The following DOHH variants were observed in gnomAD, a reference collection of about 807,000 sequenced individuals.
DOHH encodes deoxyhypusine hydroxylase.
Under a neutral mutation model 19.9 loss-of-function variants are expected in DOHH, and 16 were observed. The ratio of observed to expected loss-of-function variants is 0.80; its 90% CI spans 0.54 to 1.22. The LOEUF (loss-of-function observed/expected upper bound fraction) is 1.22. Among genes scored for constraint, DOHH ranks in the 50% most tolerant of loss-of-function variants. The probability of loss-of-function intolerance (pLI) is 0.00; values close to 1 mark genes in which losing one functional copy is unlikely to be tolerated. For missense variants in DOHH, 460 were observed against 460.6 expected (o/e 1.00, Z 0.01); for synonymous variants, 233 against 217.0 (o/e 1.07, Z -0.65).
intron 3 of DOHH, among the ~76,000 whole-genome samples, chr19:3,493,400 G>A (rs1247324173): frequency 6.6e-6 from 1 of 152,224 alleles, no homozygotes; most frequent in Admixed American, 6.5e-5. Flanking sequence ...ACGAGGTCAG[G>A]AGATCGAGAC....
Position 3,496,937 on chromosome 19 carries a change from T to C in DOHH, c.-72-51A>G. ...GTTAGAAGCCCCCTTCACCAGTGCG[T>C]TGTCTGTTCCTAGGACCTGGGTGGG... is the stretch of plus-strand genomic sequence containing the variant. On this transcript the variant is annotated intron_variant, in intron 1 of 4. Transcript: ENST00000427575. This position sits in a 1 kb window ranked among gnomAD's most constrained non-coding sequence, Gnocchi z 4.8. The C allele has an allele frequency of 7.9e-7, 1 of 1,271,944 alleles. No homozygotes were observed. The highest frequency in any genetic ancestry group is 1.0e-6 in the Non-Finnish European group (1 of 991,910). The allele number at this position is 1,271,944 out of a possible 1,614,324, so 78.8% of individuals were successfully genotyped here.
chr19:3,492,174 G>A (rs781151673), intron 4 of DOHH, 88 bp downstream of exon 4: 2 of 1,215,202 alleles, frequency 1.6e-6, no homozygotes, highest in Non-Finnish European at 1.1e-6. Context: ...GTTCCCGGGG[G>A]CAGGCCGCGG....
At position 3,496,518 on chromosome 19, in the gene DOHH, C is replaced by T. The variant is rs1278197352; in HGVS notation, c.274+23G>A. 1 of 1,596,360 alleles carries T rather than the reference C, an allele frequency of 6.3e-7. No individual in the cohort carries two copies. Among genetic ancestry groups the T allele is most frequent in the East Asian group, 2.2e-5 (1 of 44,532 alleles). ...AAGTGAGGCAGGAGGGAGCAGGTGCCCGGGACACAGACAGGTGCTCACCTG... is the reference window on the plus strand; with the variant it reads ...AAGTGAGGCAGGAGGGAGCAGGTGCTCGGGACACAGACAGGTGCTCACCTG... On this transcript the variant is annotated intron_variant, in intron 2 of 4. Transcript: ENST00000427575. This position sits in a 1 kb window ranked among gnomAD's most constrained non-coding sequence, Gnocchi z 4.8.
chr19:3,498,173 T>C (rs922320282), intron 1 of DOHH, among the ~76,000 whole-genome samples: 3 of 152,148 alleles, frequency 2.0e-5, no homozygotes, highest in Admixed American at 2.0e-4. Context: ...CCTAGGGCCT[T>C]TGCATTTGCT....
In DOHH at chr19:3,492,456, A is replaced by C. The variant is rs896341275; in HGVS notation, c.395T>G (p.Leu132Arg). The C allele has an allele frequency of 4.9e-6, 7 of 1,442,496 alleles. No individual in the cohort carries two copies. Among genetic ancestry groups the C allele is most frequent in the African/African-American group, 4.4e-5 (3 of 67,426 alleles). 89.4% of individuals were successfully genotyped at this position (1,442,496 alleles called of 1,614,324 possible). Residue 132 changes from leucine to arginine, a missense_variant, in exon 4 of 5, where the codon CTG becomes CGG. Transcript: ENST00000427575. ...CGCCGGCTCCCCGCCGTGCTGCTGC[A>C]GCCACTCCAGCCTGCGCACGGCCAG... is the stretch of plus-strand genomic sequence containing the variant. The part of the protein sequence containing the change: ...CQLAVRRLEW[L>R]QQHGGEPAAG...
At position 3,496,725 on chromosome 19, in the gene DOHH, C is replaced by A. The variant is rs745823611; in HGVS notation, c.90G>T (p.Thr30=). ...PLQARFRALF[T]LRGLGGPGAI... is the part of the protein sequence containing the mutation. Reference sequence around the variant, plus strand: ...CGCCTGGGCCGCCGAGCCCACGCAGCGTGAACAGCGCCCGGAAGCGGGCCT... The same window carrying A: ...CGCCTGGGCCGCCGAGCCCACGCAGAGTGAACAGCGCCCGGAAGCGGGCCT... Residue 30 remains threonine (T), a synonymous_variant, in exon 2 of 5, where the codon ACG becomes ACT. Transcript: ENST00000427575. This position sits in a 1 kb window ranked among gnomAD's most constrained non-coding sequence, Gnocchi z 4.8. 3 of 1,612,814 alleles carry A rather than the reference C, an allele frequency of 1.9e-6. No individual in the cohort carries two copies. In the African/African-American group the frequency reaches 4.0e-5, roughly 22 times the overall value.
At position 3,491,912 on chromosome 19, in the gene DOHH, C is replaced by A; in HGVS notation, c.590-101G>T. The A allele has an allele frequency of 2.4e-6, 3 of 1,247,528 alleles. No individual in the cohort carries two copies. The highest frequency in any genetic ancestry group is 3.2e-6 in the Non-Finnish European group (3 of 948,224). The allele number at this position is 1,247,528 out of a possible 1,614,324, so 77.3% of individuals were successfully genotyped here. A position where few individuals can be genotyped will look rare whatever the true frequency, so the allele number is the denominator to read the frequency against. On this transcript the variant is annotated intron_variant, in intron 4 of 4. Transcript: ENST00000427575. The surrounding 1 kb of genome is among the most constrained non-coding windows in gnomAD (Gnocchi z 5.6). Reference sequence around the variant, plus strand: ...CTTGCTATCTTGCCCAGGCAGGTCACAAAGTCCTGGCGATCTTCCCATCCC... The same window carrying A: ...CTTGCTATCTTGCCCAGGCAGGTCAAAAAGTCCTGGCGATCTTCCCATCCC...
chr19:3,494,060 G>A lies in DOHH; in HGVS notation c.319C>T (p.Leu107=). ...ACGGGGTCCGAGGAATACTGCTTCAGGATCTCCAGAACTTCCGGGTCCCCG... is the reference window on the plus strand; with the variant it reads ...ACGGGGTCCGAGGAATACTGCTTCAAGATCTCCAGAACTTCCGGGTCCCCG... The part of the protein sequence containing the change: ...AIGDPEVLEI[L]KQYSSDPVIE... Residue 107 remains leucine, a synonymous_variant, in exon 3 of 5, where the codon CTG becomes TTG. Transcript: ENST00000427575. 1 of 1,613,820 alleles carries A rather than the reference G, an allele frequency of 6.2e-7. No individual in the cohort carries two copies. The highest frequency in any genetic ancestry group is 8.5e-7 in the Non-Finnish European group (1 of 1,179,806).
intron 1 of DOHH, among the ~76,000 whole-genome samples, chr19:3,497,434 C>G (rs1020295594): frequency 2.0e-5 from 3 of 152,200 alleles, no homozygotes; most frequent in Non-Finnish European, 2.9e-5. Flanking sequence ...ACTGAGCCCT[C>G]CCACCAACAG....
chr19:3,494,367 G>A (rs923495216), intron 2 of DOHH, among the ~76,000 whole-genome samples: 3 of 152,220 alleles, frequency 2.0e-5, no homozygotes, highest in Non-Finnish European at 4.4e-5. Context: ...CCCGTACCAT[G>A]AGACAGGGAG....
At chr19:3,497,313 T>C (rs2082916033) in intron 1 of DOHH, among the ~76,000 whole-genome samples, 1 of 152,228 alleles carries the variant, frequency 6.6e-6, no homozygotes, top group Non-Finnish European at 1.5e-5. Context: ...CTTCCAAGGT[T>C]AGGGCATAAA....
At position 3,491,416 on chromosome 19, in the gene DOHH, G is replaced by A. The variant is rs367593775; in HGVS notation, c.*76C>T. 3 of 1,424,398 alleles carry A rather than the reference G, an allele frequency of 2.1e-6. No individual in the cohort carries two copies. Among genetic ancestry groups the A allele is most frequent in the Non-Finnish European group, 2.8e-6 (3 of 1,067,524 alleles). The allele number at this position is 1,424,398 out of a possible 1,614,324, so 88.2% of individuals were successfully genotyped here. A position where few individuals can be genotyped will look rare whatever the true frequency, so the allele number is the denominator to read the frequency against. ...CGATGACACCGATTTACACACACCC[G>A]GTTTAGACGCCAAAGCTCTGCGGGG... On this transcript the variant is annotated 3_prime_UTR_variant, in exon 5 of 5. Transcript: ENST00000427575. The surrounding 1 kb of genome is among the most constrained non-coding windows in gnomAD (Gnocchi z 5.6).
intron 2 of DOHH, among the ~76,000 whole-genome samples, chr19:3,495,447 C>T (rs1276276448): frequency 6.6e-6 from 1 of 152,204 alleles, no homozygotes; most frequent in African/African-American, 2.4e-5. Flanking sequence ...CGGCTTGTAT[C>T]TGTATTGTCA....
intron 2 of DOHH, among the ~76,000 whole-genome samples, chr19:3,494,964 C>G (rs986777375): frequency 6.7e-6 from 1 of 150,090 alleles, no homozygotes; most frequent in African/African-American, 2.5e-5. Flanking sequence ...CTAGGTCCCT[C>G]GCTACAACAG....
chr19:3,491,317 T>G lies in DOHH; in HGVS notation c.*175A>C. On this transcript the variant is annotated 3_prime_UTR_variant, in exon 5 of 5. Coordinates refer to ENST00000427575, the MANE Select transcript of DOHH (RefSeq NM_001145165.2). This position sits in a 1 kb window ranked among gnomAD's most constrained non-coding sequence, Gnocchi z 5.6. ...AGGAGCAGTCAGGGGACTCAGGGAGTCACAGCACAACGGCAGCTCCTCGGT... is the reference window on the plus strand; with the variant it reads ...AGGAGCAGTCAGGGGACTCAGGGAGGCACAGCACAACGGCAGCTCCTCGGT... 1 of 672,566 alleles carries G rather than the reference T, an allele frequency of 1.5e-6. No individual in the cohort carries two copies. The highest frequency in any genetic ancestry group is 2.4e-6 in the Non-Finnish European group (1 of 411,306). 41.7% of individuals were successfully genotyped at this position (672,566 alleles called of 1,614,324 possible).
rs2082867684 is a variant in DOHH, at chr19:3,491,340, G to A, written c.*152C>T. On this transcript the variant is annotated 3_prime_UTR_variant, in exon 5 of 5. Coordinates refer to ENST00000427575, the MANE Select transcript of DOHH (RefSeq NM_001145165.2). This position sits in a 1 kb window ranked among gnomAD's most constrained non-coding sequence, Gnocchi z 5.6. ...AGTCACAGCACAACGGCAGCTCCTC[G>A]GTCCCAGACGGAGGAGGGGGACAGC... 1.3e-6 allele frequency: 1 copy of A among 795,804 alleles called. No homozygotes were observed. The highest frequency in any genetic ancestry group is 1.9e-6 in the Non-Finnish European group (1 of 515,942). The allele number at this position is 795,804 out of a possible 1,614,324, so 49.3% of individuals were successfully genotyped here.
In DOHH at chr19:3,491,334, C is replaced by T. The variant is rs1263376938; in HGVS notation, c.*158G>A. The T allele has an allele frequency of 1.3e-6, 1 of 762,622 alleles. No individual in the cohort carries two copies. 47.2% of individuals were successfully genotyped at this position (762,622 alleles called of 1,614,324 possible). A position where few individuals can be genotyped will look rare whatever the true frequency, so the allele number is the denominator to read the frequency against. ...TCAGGGAGTCACAGCACAACGGCAG[C>T]TCCTCGGTCCCAGACGGAGGAGGGG... On this transcript the variant is annotated 3_prime_UTR_variant, in exon 5 of 5. Coordinates refer to ENST00000427575, the MANE Select transcript of DOHH (RefSeq NM_001145165.2). This position sits in a 1 kb window ranked among gnomAD's most constrained non-coding sequence, Gnocchi z 5.6.
rs2082872192 is a variant in DOHH, at chr19:3,491,804, G to C, written c.597C>G (p.His199Gln). ...CGTGGCGGAAGAGGGCGCTCCCACA[G>C]TGCAGACCTGCAGGGGAGAGGGACA... Reference protein sequence around the residue: ...EAALALAEGLHCGSALFRHEV... With the variant: ...EAALALAEGLQCGSALFRHEV... Residue 199 changes from histidine (H) to glutamine (Q), a missense_variant, in exon 5 of 5, where the codon CAC becomes CAG. Physicochemically the swap from His to Gln is conservative, Grantham distance 24. Coordinates refer to ENST00000427575, the MANE Select transcript of DOHH (RefSeq NM_001145165.2). The surrounding 1 kb of genome is among the most constrained non-coding windows in gnomAD (Gnocchi z 5.6). 1 of 1,479,914 alleles carries C rather than the reference G, an allele frequency of 6.8e-7. No individual in the cohort carries two copies. The highest frequency in any genetic ancestry group is 8.9e-7 in the Non-Finnish European group (1 of 1,118,408). The allele number at this position is 1,479,914 out of a possible 1,614,324, so 91.7% of individuals were successfully genotyped here.
chr19:3,491,330 GCAGC>G lies in DOHH; in HGVS notation c.*158_*161del. 1 of 734,408 alleles carries G rather than the reference GCAGC, an allele frequency of 1.4e-6. No homozygotes were observed. 45.5% of individuals were successfully genotyped at this position (734,408 alleles called of 1,614,324 possible). ...GGACTCAGGGAGTCACAGCACAACG[GCAGC>G]TCCTCGGTCCCAGACGGAGGAGGGG... On this transcript the variant is annotated 3_prime_UTR_variant, in exon 5 of 5. Coordinates refer to ENST00000427575, the MANE Select transcript of DOHH (RefSeq NM_001145165.2). The surrounding 1 kb of genome is among the most constrained non-coding windows in gnomAD (Gnocchi z 5.6).
Sources: allele counts gnomAD v4.1 joint callset (sites outside exome capture counted in the v4.1 genomes callset), GRCh38; gene constraint gnomAD v4.1.1; non-coding constraint Gnocchi (gnomAD v3.1); transcripts MANE v1.5; gene names NCBI Gene and HGNC (gene_info 2026-07-23, HGNC 2026-07-21).